The following MYO16 variants were observed in gnomAD, a reference collection of about 807,000 sequenced individuals.
The protein encoded by MYO16 is myosin XVI, also known as unconventional myosin-XVI.
MYO16 carries 94 observed loss-of-function variants against 205.3 expected under a neutral mutation model. That is an observed-to-expected ratio of 0.46 (90% CI 0.39 to 0.54). The LOEUF is 0.54. Among genes scored for constraint, MYO16 ranks in the 20% least tolerant of loss-of-function variants. MYO16 has a pLI of 0.00. For missense variants in MYO16, 2,315 were observed against 2,387.5 expected (o/e 0.97, Z 0.63); for synonymous variants, 988 against 954.0 (o/e 1.04, Z -0.66).
At chr13:108,769,142 T>C (rs1408773299) in intron 4 of MYO16, among the ~76,000 whole-genome samples, 1 of 152,130 alleles carries the variant, frequency 6.6e-6, no homozygotes, top group Non-Finnish European at 1.5e-5. Context: ...AAACATTGAA[T>C]AGTAACCATC....
At chr13:108,979,630 C>T (rs548180539) in intron 20 of MYO16, among the ~76,000 whole-genome samples, 8 of 152,150 alleles carry the variant, frequency 5.3e-5, no homozygotes, top group East Asian at 1.9e-4. Context: ...TAGCAAATAT[C>T]GGAGACAAAC....
chr13:108,598,943 C>T (rs1269751233), intron 1 of MYO16, among the ~76,000 whole-genome samples: 4 of 150,400 alleles, frequency 2.7e-5, no homozygotes, highest in Admixed American at 2.7e-4. Flanking sequence ...GTGTGCTGCA[C>T]CCATTAACTC....
intron 22 of MYO16, among the ~76,000 whole-genome samples, chr13:109,011,856 CA>C (rs1298263660): frequency 3.3e-5 from 5 of 152,154 alleles, no homozygotes; most frequent in Non-Finnish European, 5.9e-5. Context: ...AGGCCTAAAA[CA>C]ATTAAAATAT....
chr13:109,048,153 ATGTGTGTG>A (rs34750704), intron 24 of MYO16, among the ~76,000 whole-genome samples: 40,754 of 140,730 alleles, frequency 0.29, 5,954 homozygotes, highest in East Asian at 0.43. Context: ...TTAATAGGAT[ATGTGTGTG>A]TGTGTGTGTG....
At chr13:109,046,434 A>G (rs1887045956) in intron 23 of MYO16, among the ~76,000 whole-genome samples, 1 of 152,208 alleles carries the variant, frequency 6.6e-6, no homozygotes, top group Non-Finnish European at 1.5e-5. Flanking sequence ...CCCTTTAGAA[A>G]TCCAGAATTA....
chr13:108,888,742 T>C (rs1010490735), intron 14 of MYO16, among the ~76,000 whole-genome samples: 15 of 152,200 alleles, frequency 9.9e-5, no homozygotes, highest in African/African-American at 3.6e-4. Context: ...TATAGGTAGA[T>C]GTTGTTGTTC....
chr13:108,935,707 C>T (rs1166807292), intron 16 of MYO16, among the ~76,000 whole-genome samples: 3 of 152,040 alleles, frequency 2.0e-5, no homozygotes, highest in African/African-American at 4.8e-5. Context: ...TTCCAGTTCT[C>T]AACAGGAATG....
chr13:108,805,080 CAG>C (rs1887073852), intron 6 of MYO16, among the ~76,000 whole-genome samples: 1 of 152,110 alleles, frequency 6.6e-6, no homozygotes, highest in African/African-American at 2.4e-5. Context: ...GCATATAGCA[CAG>C]AGTAACTGCC....
intron 4 of MYO16, among the ~76,000 whole-genome samples, chr13:108,772,818 C>T (rs896461998): frequency 1.9e-4 from 29 of 151,458 alleles, no homozygotes; most frequent in Non-Finnish European, 3.7e-4. Context: ...GCATGTGTGT[C>T]GGGGGAGGAT....
chr13:108,985,460 G>A (rs1331709240), intron 20 of MYO16, among the ~76,000 whole-genome samples: 2 of 152,194 alleles, frequency 1.3e-5, no homozygotes, highest in African/African-American at 2.4e-5. Context: ...CCCAAGAAGT[G>A]GACCTCCGCT....
intron 7 of MYO16, among the ~76,000 whole-genome samples, chr13:108,809,295 T>C (rs940446551): frequency 2.0e-5 from 3 of 152,206 alleles, no homozygotes; most frequent in Non-Finnish European, 2.9e-5. Context: ...TTCATATACT[T>C]CCTTCTATTT....
chr13:108,828,899 C>T (rs1876440986), intron 9 of MYO16, among the ~76,000 whole-genome samples: 1 of 152,088 alleles, frequency 6.6e-6, no homozygotes, highest in South Asian at 2.1e-4. Context: ...CATTTGGGAC[C>T]CTCTCAGACT....
At chr13:108,555,617 T>C in the MYO16 span, among the ~76,000 whole-genome samples, 13 of 152,188 alleles carry the variant, frequency 8.5e-5, no homozygotes, top group Admixed American at 1.3e-4. Flanking sequence ...AAGTCTACTG[T>C]CTTAGCAATT....
intron 27 of MYO16, among the ~76,000 whole-genome samples, chr13:109,075,717 T>C (rs7320898): frequency 0.48 from 73,221 of 151,978 alleles, 17,893 homozygotes; most frequent in Middle Eastern, 0.54. Context: ...TACATCTTCT[T>C]TAGTGAATTT....
intron 27 of MYO16, among the ~76,000 whole-genome samples, chr13:109,089,393 T>C (rs1888549203): frequency 1.3e-5 from 2 of 151,990 alleles, no homozygotes; most frequent in South Asian, 4.2e-4. Context: ...TTTGTATTTT[T>C]AGTAGAGACG....
chr13:108,975,349 C>T (rs1410317174), intron 20 of MYO16, among the ~76,000 whole-genome samples: 1 of 151,932 alleles, frequency 6.6e-6, no homozygotes, highest in Non-Finnish European at 1.5e-5. Flanking sequence ...TCAAATTATT[C>T]AACAAAGAGG....
At chr13:108,979,457 A>G (rs1016726393) in intron 20 of MYO16, among the ~76,000 whole-genome samples, 1 of 152,088 alleles carries the variant, frequency 6.6e-6, no homozygotes, top group Non-Finnish European at 1.5e-5. Context: ...AATAAATTTG[A>G]CACACCATGT....
intron 4 of MYO16, among the ~76,000 whole-genome samples, chr13:108,774,109 CAATAAAAT>C (rs948752001): frequency 2.0e-5 from 3 of 151,652 alleles, no homozygotes; most frequent in Admixed American, 6.6e-5. Context: ...AAATAAATAA[CAATAAAAT>C]AAAATAAAAT....
Position 108,912,877 on chromosome 13 carries a change from G to A in MYO16, c.1925+2727G>A, listed in dbSNP as rs542606973. Among the ~76,000 whole-genome samples the A allele has an allele frequency of 7.9e-5, 12 of 152,184 alleles. 1 individual carries two copies. The South Asian group carries it at 1.0e-3, about 13-fold the overall frequency. On this transcript the variant is annotated intron_variant, in intron 16 of 34. Transcript: ENST00000457511. Reference sequence around the variant, plus strand: ...TGGGTATGTGCTTGGCATTGCAGACGTATGGCCACTGATGAAGAAAAAGGA... The same window carrying A: ...TGGGTATGTGCTTGGCATTGCAGACATATGGCCACTGATGAAGAAAAAGGA...
Sources: gnomAD v4.1 joint callset for allele counts (sites outside exome capture counted in the v4.1 genomes callset) on GRCh38, gnomAD v4.1.1 for gene constraint, MANE v1.5 for transcripts, NCBI Gene and HGNC (gene_info 2026-07-23, HGNC 2026-07-21) for gene names.